The following C1QTNF3 variants were observed in gnomAD, a reference collection of about 807,000 sequenced individuals.
C1QTNF3 encodes the protein complement C1q tumor necrosis factor-related protein 3.
C1QTNF3 carries 26 observed loss-of-function variants against 32.6 expected under a neutral mutation model. The observed-to-expected ratio is 0.80, with a 90% CI of 0.58 to 1.11. The LOEUF (loss-of-function observed/expected upper bound fraction) is 1.11, where lower values mean the gene tolerates loss of function less well. Ranked by LOEUF, C1QTNF3 falls within the 50% of genes least tolerant of loss-of-function variation. The pLI, the probability that C1QTNF3 is intolerant of heterozygous loss-of-function variation, is 0.00. For synonymous variants in C1QTNF3, 155 were observed against 146.0 expected (o/e 1.06, Z -0.44); for missense variants, 362 against 398.2 (o/e 0.91, Z 0.77).
At chr5:34,238,690 A>G in the C1QTNF3 span, among the ~76,000 whole-genome samples, 1 of 152,052 alleles carries the variant, frequency 6.6e-6, no homozygotes, top group African/African-American at 2.4e-5. Context: ...AGAAAGAAAG[A>G]GAAAAGGCAA....
At chr5:34,170,814 C>T in the C1QTNF3 span, among the ~76,000 whole-genome samples, 3 of 152,116 alleles carry the variant, frequency 2.0e-5, no homozygotes, top group East Asian at 1.9e-4. Flanking sequence ...ATATTTTACA[C>T]ATCAATGTGT....
chr5:34,241,955 A>T, the C1QTNF3 span, among the ~76,000 whole-genome samples: 1 of 28,126 alleles, frequency 3.6e-5, no homozygotes. Context: ...GAGGGAGGGA[A>T]GGAAGGAAGG....
the C1QTNF3 span, among the ~76,000 whole-genome samples, chr5:34,122,297 T>C: frequency 6.6e-6 from 1 of 152,146 alleles, no homozygotes; most frequent in Non-Finnish European, 1.5e-5. Context: ...AAAGCTGGAA[T>C]TTTCTTAGAG....
chr5:34,027,979 CT>C (rs927996583), intron 4 of C1QTNF3, among the ~76,000 whole-genome samples: 32 of 147,092 alleles, frequency 2.2e-4, no homozygotes, highest in Admixed American at 2.7e-4. Flanking sequence ...TAAACAAGCT[CT>C]TTTTTTTTTT....
the C1QTNF3 span, among the ~76,000 whole-genome samples, chr5:34,241,739 C>G: frequency 6.6e-6 from 1 of 151,424 alleles, no homozygotes; most frequent in African/African-American, 2.4e-5. Flanking sequence ...CTCATCTATA[C>G]AAATTTTTTT....
chr5:34,048,532 T>A, the C1QTNF3 span, among the ~76,000 whole-genome samples: 1 of 152,262 alleles, frequency 6.6e-6, no homozygotes. Context: ...GAAGGGACCC[T>A]GCAGGTTTCT....
chr5:34,234,557 C>T, the C1QTNF3 span, among the ~76,000 whole-genome samples: 1 of 152,066 alleles, frequency 6.6e-6, no homozygotes, highest in African/African-American at 2.4e-5. Flanking sequence ...TATGACTTAA[C>T]GAGGACTAGT....
the C1QTNF3 span, among the ~76,000 whole-genome samples, chr5:34,239,112 T>G: frequency 6.6e-6 from 1 of 152,150 alleles, no homozygotes; most frequent in Non-Finnish European, 1.5e-5. Flanking sequence ...CAATTTCAAC[T>G]TGACCAGCCT....
At chr5:34,222,774 T>G in the C1QTNF3 span, among the ~76,000 whole-genome samples, 1 of 151,998 alleles carries the variant, frequency 6.6e-6, no homozygotes, top group Non-Finnish European at 1.5e-5. Flanking sequence ...AAATTCAATT[T>G]CATATATTTT....
the C1QTNF3 span, among the ~76,000 whole-genome samples, chr5:34,138,920 T>C: frequency 6.6e-6 from 1 of 152,034 alleles, no homozygotes; most frequent in African/African-American, 2.4e-5. Context: ...GAAAATTAAA[T>C]AATTTGCCTA....
At chr5:34,165,669 A>C in the C1QTNF3 span, 2 of 152,114 alleles carry the variant, frequency 1.3e-5, no homozygotes, top group African/African-American at 4.8e-5. Context: ...TAGATGTTTA[A>C]AATAGTATAG....
At chr5:34,164,120 G>T in the C1QTNF3 span, among the ~76,000 whole-genome samples, 1 of 152,090 alleles carries the variant, frequency 6.6e-6, no homozygotes. Flanking sequence ...GACTGATTTG[G>T]GAGGCGAACA....
At chr5:34,035,101 C>T (rs897645419) in intron 2 of C1QTNF3, among the ~76,000 whole-genome samples, 5 of 152,152 alleles carry the variant, frequency 3.3e-5, no homozygotes, top group African/African-American at 1.2e-4. Flanking sequence ...AGGGTACCAG[C>T]AGGCCCGCGG....
At chr5:34,244,207 AGG>A in the C1QTNF3 span, among the ~76,000 whole-genome samples, 258 of 152,302 alleles carry the variant, frequency 1.7e-3, 1 homozygote, top group African/African-American at 5.7e-3. Flanking sequence ...ATTATCGATC[AGG>A]GACCTGTGGA....
At chr5:34,125,005 T>A in the C1QTNF3 span, among the ~76,000 whole-genome samples, 8 of 152,120 alleles carry the variant, frequency 5.3e-5, no homozygotes, top group African/African-American at 1.9e-4. Context: ...CTCACCTCTA[T>A]CCTTTCTGAC....
At chr5:34,129,332 C>A in the C1QTNF3 span, among the ~76,000 whole-genome samples, 2 of 152,096 alleles carry the variant, frequency 1.3e-5, no homozygotes, top group Non-Finnish European at 2.9e-5. Context: ...AAGCCAGGCA[C>A]AGAAAGACAA....
the C1QTNF3 span, among the ~76,000 whole-genome samples, chr5:34,127,428 CTCTT>C: frequency 6.6e-6 from 1 of 152,030 alleles, no homozygotes; most frequent in Non-Finnish European, 1.5e-5. Flanking sequence ...GTAAAGGTCA[CTCTT>C]TCTATGCTTT....
At chr5:34,132,345 A>T in the C1QTNF3 span, among the ~76,000 whole-genome samples, 1 of 151,764 alleles carries the variant, frequency 6.6e-6, no homozygotes, top group Non-Finnish European at 1.5e-5. Flanking sequence ...AGATTGTGCC[A>T]CTGCACTCCA....
the C1QTNF3 span, among the ~76,000 whole-genome samples, chr5:34,194,902 T>A: frequency 6.7e-6 from 1 of 148,706 alleles, no homozygotes; most frequent in Non-Finnish European, 1.5e-5. Flanking sequence ...CAAATAGTTA[T>A]TGTACTATAT....
Sources: gnomAD v4.1 joint callset for allele counts (sites outside exome capture counted in the v4.1 genomes callset) on GRCh38, gnomAD v4.1.1 for gene constraint, MANE v1.5 for transcripts, NCBI Gene and HGNC (gene_info 2026-07-23, HGNC 2026-07-21) for gene names.